The following CLVS2 variants were observed in gnomAD, a reference collection of about 807,000 sequenced individuals.
CLVS2 encodes the protein clavesin 2.
CLVS2 carries 19 observed loss-of-function variants against 29.0 expected under a neutral mutation model. That is an observed-to-expected ratio of 0.66 (90% CI 0.46 to 0.96). CLVS2 has a LOEUF of 0.96. Among genes scored for constraint, CLVS2 ranks in the 40% least tolerant of loss-of-function variants. The pLI is 0.00. For synonymous variants in CLVS2, 161 were observed against 151.3 expected (o/e 1.06, Z -0.47); for missense variants, 294 against 404.1 (o/e 0.73, Z 2.34).
At chr6:123,022,710 C>T (rs776217303) in intron 3 of CLVS2, among the ~76,000 whole-genome samples, 2 of 151,994 alleles carry the variant, frequency 1.3e-5, no homozygotes, top group Non-Finnish European at 2.9e-5. Context: ...TGAACTAAGA[C>T]TCTTAAGCTT....
chr6:123,018,897 T>C (rs1379546782), intron 3 of CLVS2, among the ~76,000 whole-genome samples: 2 of 152,102 alleles, frequency 1.3e-5, no homozygotes, highest in Non-Finnish European at 2.9e-5. Flanking sequence ...CTTAATTTAA[T>C]GAAAGCTGCT....
chr6:123,051,693 T>G lies in CLVS2; in HGVS notation c.675+2961T>G, dbSNP rs569037740. ...AAGACTTTCATCTGTTCTTTTTCAC[T>G]CCAGATCACTTAGCATAATCTCTTT... On this transcript the variant is annotated intron_variant, in intron 4 of 5. Coordinates refer to ENST00000275162, the MANE Select transcript of CLVS2 (RefSeq NM_001010852.4). Among the ~76,000 whole-genome samples the G allele has an allele frequency of 5.3e-5, 8 of 152,284 alleles. No individual in the cohort carries two copies. In the East Asian group the frequency reaches 5.8e-4, roughly 11 times the overall value.
At chr6:123,006,808 C>T (rs138167145) in intron 2 of CLVS2, among the ~76,000 whole-genome samples, 125 of 152,178 alleles carry the variant, frequency 8.2e-4, no homozygotes, top group African/African-American at 2.7e-3. Context: ...GATATCGAGC[C>T]GTCACCAATG....
chr6:123,038,883 C>G (rs1219216123), intron 3 of CLVS2, among the ~76,000 whole-genome samples: 8 of 151,930 alleles, frequency 5.3e-5, no homozygotes, highest in African/African-American at 1.9e-4. Context: ...AACATTTTGC[C>G]CAAATTAATG....
chr6:123,057,071 A>G (rs12207245), intron 5 of CLVS2, among the ~76,000 whole-genome samples: 9,885 of 152,226 alleles, frequency 0.065, 437 homozygotes, highest in Non-Finnish European at 0.1. Context: ...GTAGATGTGT[A>G]ATTCTCAGAC....
intron 3 of CLVS2, among the ~76,000 whole-genome samples, chr6:123,030,837 A>AAAAT (rs1562168975): frequency 6.8e-6 from 1 of 146,210 alleles, no homozygotes; most frequent in African/African-American, 2.5e-5. Flanking sequence ...ATATATATAA[A>AAAAT]ATATATATAT....
At position 122,997,623 on chromosome 6, in the gene CLVS2, A is replaced by C; in HGVS notation, c.-155A>C. 1.6e-5 allele frequency: 10 copies of C among 643,630 alleles called. No individual in the cohort carries two copies. Among genetic ancestry groups the C allele is most frequent in the Middle Eastern group, 4.7e-4 (1 of 2,120 alleles). 39.9% of individuals were successfully genotyped at this position (643,630 alleles called of 1,614,324 possible). On this transcript the variant is annotated 5_prime_UTR_variant, in exon 2 of 6. Transcript: ENST00000275162. ...TGGGGGAAAGCAGGAGCAACAGGGC[A>C]CTTGATTGGACACCAAGATTATTAA...
Position 122,996,518 on chromosome 6 carries a change from T to G in CLVS2, c.-788T>G, listed in dbSNP as rs1350491230. The G allele has an allele frequency of 6.5e-6, 1 of 152,710 alleles. No homozygotes were observed. Among genetic ancestry groups the G allele is most frequent in the East Asian group, 1.9e-4 (1 of 5,148 alleles). The allele number at this position is 152,710 out of a possible 1,614,324, so 9.5% of individuals were successfully genotyped here. On this transcript the variant is annotated 5_prime_UTR_variant, in exon 1 of 6. Transcript: ENST00000275162. ...AGCGGTGGCCCTAGCCCTGCGATCCTCACCCCTCCTGCTAGGAGAGGCTGC... is the reference window on the plus strand; with the variant it reads ...AGCGGTGGCCCTAGCCCTGCGATCCGCACCCCTCCTGCTAGGAGAGGCTGC...
At chr6:123,013,990 C>G (rs1416412706) in intron 3 of CLVS2, among the ~76,000 whole-genome samples, 5 of 152,090 alleles carry the variant, frequency 3.3e-5, no homozygotes, top group African/African-American at 1.2e-4. Context: ...AGGACATGAA[C>G]TCATCATTTT....
intron 3 of CLVS2, among the ~76,000 whole-genome samples, chr6:123,039,053 C>T (rs1775193887): frequency 6.6e-6 from 1 of 152,176 alleles, no homozygotes; most frequent in South Asian, 2.1e-4. Context: ...TCATTAAATT[C>T]AATCTTGGCT....
At chr6:123,009,637 C>T (rs1477744880) in intron 2 of CLVS2, among the ~76,000 whole-genome samples, 2 of 152,030 alleles carry the variant, frequency 1.3e-5, no homozygotes, top group African/African-American at 4.8e-5. Context: ...CCCATCCTGC[C>T]TCTTCCCTGA....
chr6:123,046,286 T>G (rs1052024700), intron 3 of CLVS2, among the ~76,000 whole-genome samples: 8 of 152,196 alleles, frequency 5.3e-5, no homozygotes, highest in Non-Finnish European at 1.0e-4. Flanking sequence ...GTGTGCAAGT[T>G]ATGTGTATAT....
At chr6:123,028,101 T>A (rs952140316) in intron 3 of CLVS2, among the ~76,000 whole-genome samples, 1 of 152,186 alleles carries the variant, frequency 6.6e-6, no homozygotes, top group African/African-American at 2.4e-5. Context: ...CATTTAGACT[T>A]TCTAGACCAA....
chr6:123,011,291 C>A, intron 3 of CLVS2, 132 bp downstream of exon 3: 1 of 579,666 alleles, frequency 1.7e-6, no homozygotes, highest in Non-Finnish European at 2.8e-6. Context: ...TGAGCACAAA[C>A]ATTAAAATAC....
At chr6:123,022,599 CT>C (rs760392007) in intron 3 of CLVS2, among the ~76,000 whole-genome samples, 79 of 152,114 alleles carry the variant, frequency 5.2e-4, no homozygotes, top group African/African-American at 1.7e-3. Context: ...CCAGAGAGGT[CT>C]TTTTCCCCCC....
In CLVS2 at chr6:123,011,102, C is replaced by G. The variant is rs763406760; in HGVS notation, c.507C>G (p.Phe169Leu). ...VLIIDWSNFT[F>L]KQASKLTPSM... ...TCATAGACTGGAGTAACTTCACTTT[C>G]AAGCAAGCCTCTAAACTCACACCAA... Residue 169 changes from phenylalanine (F) to leucine (L), a missense_variant, in exon 3 of 6, where the codon TTC becomes TTG. Around this residue, in one of 2 missense-constraint regions of CLVS2, gnomAD observed 212 missense variants for 336.4 expected, o/e 0.63. Coordinates refer to ENST00000275162, the MANE Select transcript of CLVS2 (RefSeq NM_001010852.4). 14 of 1,611,426 alleles carry G rather than the reference C, an allele frequency of 8.7e-6. No individual in the cohort carries two copies. Among genetic ancestry groups the G allele is most frequent in the African/African-American group, 1.3e-5 (1 of 74,704 alleles).
intron 4 of CLVS2, among the ~76,000 whole-genome samples, chr6:123,054,536 A>G (rs1272088401): frequency 6.6e-6 from 1 of 152,190 alleles, no homozygotes; most frequent in Non-Finnish European, 1.5e-5. Context: ...ATTTTATTTG[A>G]TATTGTAGAG....
intron 2 of CLVS2, among the ~76,000 whole-genome samples, chr6:123,007,213 G>T (rs1261620203): frequency 6.6e-6 from 1 of 152,156 alleles, no homozygotes; most frequent in Non-Finnish European, 1.5e-5. Context: ...AGAAGTCATA[G>T]AAGTTAACAT....
intron 3 of CLVS2, among the ~76,000 whole-genome samples, chr6:123,032,590 C>G (rs1775097805): frequency 6.6e-6 from 1 of 151,954 alleles, no homozygotes; most frequent in African/African-American, 2.4e-5. Flanking sequence ...TTAACCTAAA[C>G]AAAGAAAATT....
Sources: allele counts gnomAD v4.1 joint callset (sites outside exome capture counted in the v4.1 genomes callset), GRCh38; gene constraint gnomAD v4.1.1; regional missense constraint gnomAD v4.1.1; transcripts MANE v1.5; gene names NCBI Gene and HGNC (gene_info 2026-07-23, HGNC 2026-07-21).